Variants in ATOX1 observed in about 807,000 individuals in gnomAD.
The protein encoded by ATOX1 is antioxidant 1 copper chaperone, also known as copper transport protein ATOX1.
Under a neutral mutation model 7.3 loss-of-function variants are expected in ATOX1, and 4 were observed. The observed-to-expected ratio is 0.55, with a 90% CI of 0.27 to 1.25. ATOX1 has a LOEUF of 1.25. Ranked by LOEUF, ATOX1 falls within the 50% of genes most tolerant of loss-of-function variation. ATOX1 has a pLI of 0.12. For missense variants in ATOX1, 68 were observed against 81.6 expected, an observed-to-expected ratio of 0.83 and a Z score of 0.64; for synonymous variants, 25 against 28.7, an observed-to-expected ratio of 0.87 and a Z score of 0.41.
intron 2 of ATOX1, among the ~76,000 whole-genome samples, chr5:151,749,487 G>GAA (rs1271889730): frequency 1.6e-5 from 2 of 123,824 alleles, no homozygotes; most frequent in African/African-American, 3.0e-5. Context: ...TTCTGCCTCA[G>GAA]AAAAAAAAAA....
intron 3 of ATOX1, chr5:151,743,272 C>T (rs1459219057): frequency 6.6e-6 from 1 of 152,194 alleles, no homozygotes; most frequent in Non-Finnish European, 1.5e-5. Flanking sequence ...CCAGGATACC[C>T]AGTCAACAGC....
chr5:151,751,809 G>A lies in ATOX1; in HGVS notation c.7-30C>T, dbSNP rs539287199. 2.8e-4 allele frequency: 439 copies of A among 1,577,552 alleles called. 2 individuals carry two copies. In the South Asian group the frequency reaches 4.7e-3, roughly 17 times the overall value. On this transcript the variant is annotated intron_variant, in intron 1 of 3. Coordinates refer to ENST00000313115, the MANE Select transcript of ATOX1 (RefSeq NM_004045.4). ...AACAAACACAGGGGGACCATGACCC[G>A]AGCCCTGTAGAGTGACCCCCACACA... is the stretch of plus-strand genomic sequence containing the variant.
At chr5:151,753,422 G>A (rs573356938) in intron 1 of ATOX1, among the ~76,000 whole-genome samples, 8 of 152,186 alleles carry the variant, frequency 5.3e-5, no homozygotes, top group Non-Finnish European at 8.8e-5. Flanking sequence ...ACTAGGTTCC[G>A]TTGGGTAAAA....
intron 1 of ATOX1, 79 bp from the exon 2 acceptor site, chr5:151,751,858 G>T: frequency 7.1e-7 from 1 of 1,416,696 alleles, no homozygotes; most frequent in Non-Finnish European, 9.7e-7. Context: ...GGCCCACTCA[G>T]GGTCAAGACA....
At chr5:151,753,908 G>C (rs1056641220) in intron 1 of ATOX1, 1 of 152,194 alleles carries the variant, frequency 6.6e-6, no homozygotes, top group African/African-American at 2.4e-5. Context: ...CAGAGGAAAC[G>C]AAGACCAAGA....
chr5:151,753,549 G>C (rs904817894), intron 1 of ATOX1, among the ~76,000 whole-genome samples: 1 of 152,172 alleles, frequency 6.6e-6, no homozygotes, highest in Non-Finnish European at 1.5e-5. Flanking sequence ...ACCTCAGTTG[G>C]AATCCTGGGT....
chr5:151,758,299 G>A (rs144996010), intron 1 of ATOX1, among the ~76,000 whole-genome samples: 205 of 152,340 alleles, frequency 1.3e-3, no homozygotes, highest in Middle Eastern at 0.01. Flanking sequence ...GGAAGGTGTG[G>A]GCTTGTCGCC....
intron 2 of ATOX1, among the ~76,000 whole-genome samples, chr5:151,749,696 A>G (rs890368883): frequency 4.0e-5 from 6 of 151,798 alleles, no homozygotes; most frequent in African/African-American, 1.4e-4. Context: ...AAAAAAAAGC[A>G]TCAACAGCAA....
intron 3 of ATOX1, chr5:151,744,753 C>T (rs1761862240): frequency 6.6e-6 from 1 of 152,166 alleles, no homozygotes; most frequent in African/African-American, 2.4e-5. Flanking sequence ...AAGCCCCATC[C>T]ACTCACCCTC....
intron 1 of ATOX1, chr5:151,752,319 A>G (rs1761962258): frequency 1.4e-6 from 1 of 702,422 alleles, no homozygotes; most frequent in Non-Finnish European, 2.6e-6. Flanking sequence ...GCTTTCATCC[A>G]AGGGCCGCAT....
intron 1 of ATOX1, among the ~76,000 whole-genome samples, chr5:151,756,337 T>C (rs188153641): frequency 7.4e-4 from 113 of 152,284 alleles, no homozygotes; most frequent in Middle Eastern, 6.8e-3. Context: ...GAATTGAACA[T>C]AGTCAGCCTC....
chr5:151,746,659 T>A (rs982912921), intron 2 of ATOX1: 1 of 496,490 alleles, frequency 2.0e-6, no homozygotes, highest in African/African-American at 2.0e-5. Context: ...ATTCTGTGTA[T>A]TTTTTTTATA....
intron 3 of ATOX1, chr5:151,743,406 C>T (rs1761844374): frequency 1.3e-5 from 2 of 152,194 alleles, no homozygotes; most frequent in Admixed American, 1.3e-4. Flanking sequence ...GGTTCCCAAG[C>T]CTGGCTTCAA....
intron 1 of ATOX1, among the ~76,000 whole-genome samples, chr5:151,756,769 C>T (rs761122264): frequency 2.7e-4 from 41 of 152,332 alleles, no homozygotes; most frequent in Admixed American, 5.9e-4. Flanking sequence ...CCACCATGCC[C>T]GGCCTCACCT....
At chr5:151,751,946 A>G (rs1170743757) in intron 1 of ATOX1, 167 bp from the exon 2 acceptor site, 3 of 632,994 alleles carry the variant, frequency 4.7e-6, no homozygotes, top group Admixed American at 2.9e-5. Flanking sequence ...CTCTTCAACT[A>G]TAGAGTAGCT....
chr5:151,758,499 A>C (rs1762043142), intron 1 of ATOX1, 47 bp downstream of exon 1: 2 of 1,480,610 alleles, frequency 1.4e-6, no homozygotes, highest in Admixed American at 2.3e-5. Context: ...GCCGAGAAGC[A>C]ACCCGGGACT....
intron 1 of ATOX1, among the ~76,000 whole-genome samples, chr5:151,756,086 C>T (rs1034486416): frequency 6.6e-6 from 1 of 151,872 alleles, no homozygotes; most frequent in Non-Finnish European, 1.5e-5. Context: ...GGACTACAGG[C>T]GTCCGCCACC....
At position 151,758,124 on chromosome 5, in the gene ATOX1, G is replaced by A. The variant is rs28917168; in HGVS notation, c.6+422C>T. 1.3e-4 allele frequency among the ~76,000 whole-genome samples: 20 copies of A among 152,274 alleles called. No individual in the cohort carries two copies. In the East Asian group the frequency reaches 3.7e-3, roughly 28 times the overall value. ...CTGCCCGGTCCGTGAGGAAATAACC[G>A]GGTCCACTCCCTTGTCCAGAGCCTC... On this transcript the variant is annotated intron_variant, in intron 1 of 3. Transcript: ENST00000313115.
At chr5:151,747,834 C>A (rs932311220) in intron 2 of ATOX1, among the ~76,000 whole-genome samples, 8 of 152,214 alleles carry the variant, frequency 5.3e-5, no homozygotes, top group African/African-American at 1.9e-4. Context: ...GGTGATCCAC[C>A]TGCATTGGCC....
Sources: allele counts gnomAD v4.1 joint callset (sites outside exome capture counted in the v4.1 genomes callset), GRCh38; gene constraint gnomAD v4.1.1; transcripts MANE v1.5; gene names NCBI Gene and HGNC (gene_info 2026-07-23, HGNC 2026-07-21).